SYNJ2BP: variants seen among roughly 807,000 people sequenced by gnomAD.
SYNJ2BP encodes the protein synaptojanin 2 binding protein, also known as synaptojanin-2-binding protein.
Under a neutral mutation model 16.9 loss-of-function variants are expected in SYNJ2BP, and 10 were observed. That is an observed-to-expected ratio of 0.59 (90% CI 0.36 to 1.00). The LOEUF is 1.00. SYNJ2BP is among the 50% of genes least tolerant of loss of function. SYNJ2BP has a pLI of 0.01. For synonymous variants in SYNJ2BP, 54 were observed against 68.4 expected (o/e 0.79, Z 1.04); for missense variants, 162 against 186.7 (o/e 0.87, Z 0.77).
chr14:70,384,810 A>G (rs1458165396), intron 2 of SYNJ2BP, among the ~76,000 whole-genome samples: 1 of 152,176 alleles, frequency 6.6e-6, no homozygotes, highest in Non-Finnish European at 1.5e-5. Context: ...CCATGATTTT[A>G]AGTTTCCTGG....
At chr14:70,399,547 G>C (rs1181452410) in intron 1 of SYNJ2BP, among the ~76,000 whole-genome samples, 1 of 152,222 alleles carries the variant, frequency 6.6e-6, no homozygotes, top group Non-Finnish European at 1.5e-5. Flanking sequence ...ACAGTTGGCT[G>C]CCTCAGGGAC....
At chr14:70,382,978 G>A (rs1026575769) in intron 2 of SYNJ2BP, among the ~76,000 whole-genome samples, 4 of 152,138 alleles carry the variant, frequency 2.6e-5, no homozygotes, top group African/African-American at 9.7e-5. Context: ...AATTTAATAC[G>A]CAATAGATGT....
intron 3 of SYNJ2BP, among the ~76,000 whole-genome samples, chr14:70,373,370 C>T (rs999948538): frequency 2.0e-5 from 3 of 152,102 alleles, no homozygotes; most frequent in Non-Finnish European, 2.9e-5. Context: ...TAAAGGGACC[C>T]GTGAGGGCAA....
At chr14:70,381,236 G>A (rs1195757058) in intron 2 of SYNJ2BP, among the ~76,000 whole-genome samples, 3 of 152,206 alleles carry the variant, frequency 2.0e-5, no homozygotes, top group Non-Finnish European at 4.4e-5. Context: ...TCAGGCAAAA[G>A]AAGATGTTAT....
rs142547377 is a variant in SYNJ2BP, at chr14:70,391,903, T to C, written c.65-3297A>G. 6.6e-5 allele frequency among the ~76,000 whole-genome samples: 10 copies of C among 152,350 alleles called. No homozygotes were observed. The East Asian group carries it at 1.9e-3, about 29-fold the overall frequency. ...AACTCCTGGACTGACCTGAAGCCCT[T>C]TGTTCAGCCAGAATATTTACAGAAC... On this transcript the variant is annotated intron_variant, in intron 1 of 3. Transcript: ENST00000256366.
rs776693856 is a variant in SYNJ2BP at position 70,371,429 on chromosome 14, T to G, written c.*1562A>C. ...ACTAGCAATCCATGCCTTTCTTTTT[T>G]TGAGATGGAGTCTTGCTCTGTAGCC... is the stretch of plus-strand genomic sequence containing the variant. On this transcript the variant is annotated 3_prime_UTR_variant, in exon 4 of 4. Transcript: ENST00000256366. 1 of 152,404 alleles carries G rather than the reference T, an allele frequency of 6.6e-6. No homozygotes were observed. Among genetic ancestry groups the G allele is most frequent in the Non-Finnish European group, 1.5e-5 (1 of 68,174 alleles). 9.4% of individuals were successfully genotyped at this position (152,404 alleles called of 1,614,324 possible). A position where few individuals can be genotyped will look rare whatever the true frequency, so the allele number is the denominator to read the frequency against.
intron 1 of SYNJ2BP, among the ~76,000 whole-genome samples, chr14:70,414,646 A>G (rs1456541799): frequency 1.3e-5 from 2 of 152,240 alleles, no homozygotes; most frequent in East Asian, 3.8e-4. Context: ...ATGTCAAAGT[A>G]CATTAAATTC....
At chr14:70,382,214 T>C (rs1887766709) in intron 2 of SYNJ2BP, among the ~76,000 whole-genome samples, 1 of 152,120 alleles carries the variant, frequency 6.6e-6, no homozygotes, top group East Asian at 1.9e-4. Context: ...CCAGTCTAGG[T>C]GACAGAGGGA....
At position 70,417,084 on chromosome 14, in the gene SYNJ2BP, G is replaced by A. The variant is rs1888631715; in HGVS notation, c.-121C>T. On this transcript the variant is annotated 5_prime_UTR_variant, in exon 1 of 4. Transcript: ENST00000256366. ...TTCGGTTTCAGCAGCCTCGAGACCC[G>A]GAAAAGGAAGCCCGAAGGACTCGGA... 2.7e-6 allele frequency: 4 copies of A among 1,465,236 alleles called. No homozygotes were observed. Among genetic ancestry groups the A allele is most frequent in the Non-Finnish European group, 3.7e-6 (4 of 1,069,144 alleles). 90.8% of individuals were successfully genotyped at this position (1,465,236 alleles called of 1,614,324 possible). A position where few individuals can be genotyped will look rare whatever the true frequency, so the allele number is the denominator to read the frequency against.
intron 1 of SYNJ2BP, among the ~76,000 whole-genome samples, chr14:70,407,094 T>C (rs943977807): frequency 1.3e-5 from 2 of 151,868 alleles, no homozygotes; most frequent in Non-Finnish European, 2.9e-5. Flanking sequence ...CTCCTACTTA[T>C]TAGGTTGGTG....
chr14:70,382,033 G>A (rs754331997), intron 2 of SYNJ2BP, among the ~76,000 whole-genome samples: 4 of 152,128 alleles, frequency 2.6e-5, no homozygotes, highest in Non-Finnish European at 5.9e-5. Context: ...TCAGGAGATC[G>A]AGACCATCCT....
intron 2 of SYNJ2BP, 111 bp downstream of exon 2, chr14:70,388,359 C>A (rs1594948270): frequency 2.2e-6 from 3 of 1,359,208 alleles, no homozygotes; most frequent in Non-Finnish European, 2.9e-6. Context: ...TTCAACTCTA[C>A]AACCTGTATA....
At chr14:70,397,642 G>A (rs1042405354) in intron 1 of SYNJ2BP, among the ~76,000 whole-genome samples, 2 of 152,208 alleles carry the variant, frequency 1.3e-5, no homozygotes, top group African/African-American at 4.8e-5. Flanking sequence ...GCTTGGAGAT[G>A]CCAGGAACCG....
chr14:70,403,488 C>T (rs528816931), intron 1 of SYNJ2BP, among the ~76,000 whole-genome samples: 1 of 152,250 alleles, frequency 6.6e-6, no homozygotes, highest in South Asian at 2.1e-4. Flanking sequence ...GAAAAACTTG[C>T]TGATAAAACA....
rs2140798459 is a variant in SYNJ2BP, at chr14:70,370,195, A to G, written c.*2796T>C. On this transcript the variant is annotated 3_prime_UTR_variant, in exon 4 of 4. Transcript: ENST00000256366. ...AACAAATTTACATATACCAACAAGC[A>G]AAAAACTAGAGCTTTCATTCCTGCT... 6.6e-6 allele frequency: 1 copy of G among 152,306 alleles called. No individual in the cohort carries two copies. The highest frequency in any genetic ancestry group is 2.1e-4 in the South Asian group (1 of 4,822). The allele number at this position is 152,306 out of a possible 1,614,324, so 9.4% of individuals were successfully genotyped here.
intron 1 of SYNJ2BP, among the ~76,000 whole-genome samples, chr14:70,404,691 T>C (rs7147252): frequency 0.066 from 9,991 of 152,226 alleles, 560 homozygotes; most frequent in African/African-American, 0.15. Context: ...TATATACAAT[T>C]AAAACTACTG....
intron 3 of SYNJ2BP, 129 bp from the exon 4 acceptor site, chr14:70,373,260 G>A: frequency 8.3e-7 from 1 of 1,201,506 alleles, no homozygotes; most frequent in Non-Finnish European, 1.1e-6. Context: ...GCAATACCTA[G>A]CAGAAGGAGT....
chr14:70,384,465 A>G (rs1887816424), intron 2 of SYNJ2BP, among the ~76,000 whole-genome samples: 1 of 133,680 alleles, frequency 7.5e-6, no homozygotes, highest in African/African-American at 2.9e-5. Flanking sequence ...AAGTTCACTT[A>G]AGGACAGAGA....
chr14:70,379,476 T>C (rs912589726), intron 2 of SYNJ2BP, among the ~76,000 whole-genome samples: 1 of 152,230 alleles, frequency 6.6e-6, no homozygotes. Context: ...GTGCTCAAAC[T>C]GTATCTACCA....
Sources: allele counts gnomAD v4.1 joint callset (sites outside exome capture counted in the v4.1 genomes callset), GRCh38; gene constraint gnomAD v4.1.1; transcripts MANE v1.5; gene names NCBI Gene and HGNC (gene_info 2026-07-23, HGNC 2026-07-21).